MMP17: variants seen among roughly 807,000 people sequenced by gnomAD.
The protein encoded by MMP17 is matrix metallopeptidase 17.
A neutral mutation model predicts 49.1 loss-of-function variants in MMP17; 54 were observed. The ratio of observed to expected loss-of-function variants is 1.10; its 90% confidence interval spans 0.88 to 1.38. MMP17 has a LOEUF of 1.38. Among genes scored for constraint, MMP17 ranks in the 40% most tolerant of loss-of-function variants. MMP17 has a pLI of 0.00. For synonymous variants in MMP17, 397 were observed against 383.1 expected (o/e 1.04, Z -0.42); for missense variants, 837 against 853.7 (o/e 0.98, Z 0.24).
rs751785203 is a variant in MMP17, at chr12:131,851,002, C to T, written c.1540C>T (p.Gln514Ter). 7.6e-6 allele frequency: 12 copies of T among 1,578,774 alleles called. No individual in the cohort carries two copies. Among genetic ancestry groups the T allele is most frequent in the Non-Finnish European group, 1.0e-5 (12 of 1,163,728 alleles). The change falls in exon 10 of 10, where the codon CAG becomes TAG. Residue 514 changes from glutamine to a stop codon, truncating the protein, a stop_gained. Transcript: ENST00000360564. LOFTEE classifies it low-confidence loss of function (END_TRUNC). ...GCTGGAGGTGGCACCCGGGTACCCACAGTCCACGGCCCGGGACTGGCTGGT... is the reference window on the plus strand; with the variant it reads ...GCTGGAGGTGGCACCCGGGTACCCATAGTCCACGGCCCGGGACTGGCTGGT... ...GELEVAPGYP[Q>*]STARDWLVCG...
At chr12:131,834,838 AG>A (rs1172768565) in intron 1 of MMP17, among the ~76,000 whole-genome samples, 2 of 152,154 alleles carry the variant, frequency 1.3e-5, no homozygotes, top group Non-Finnish European at 2.9e-5. Flanking sequence ...GCCCCCTCCC[AG>A]ATGGACCTGA....
Position 131,828,462 on chromosome 12 carries a change from C to T in MMP17, c.-33C>T. On this transcript the variant is annotated 5_prime_UTR_variant, in exon 1 of 10. Coordinates refer to ENST00000360564, the MANE Select transcript of MMP17 (RefSeq NM_016155.7). ...GAACGCGAAGCGGAGGGCGCGGGAC[C>T]CTGCACGCCGCCCGCGGGCCCATGT... is the stretch of plus-strand genomic sequence containing the variant. The T allele has an allele frequency of 1.0e-6, 1 of 989,044 alleles. No homozygotes were observed. 61.3% of individuals were successfully genotyped at this position (989,044 alleles called of 1,614,324 possible).
At position 131,851,106 on chromosome 12, in the gene MMP17, A is replaced by T; in HGVS notation, c.1644A>T (p.Gln548His). 1 of 1,598,020 alleles carries T rather than the reference A, an allele frequency of 6.3e-7. No individual in the cohort carries two copies. The highest frequency in any genetic ancestry group is 1.3e-5 in the African/African-American group (1 of 74,396). ...AGGGGCCCCGCGCCCCTCCAGGACAACATGACCAGAGCCGCTCGGAGGACG... is the reference window on the plus strand; with the variant it reads ...AGGGGCCCCGCGCCCCTCCAGGACATCATGACCAGAGCCGCTCGGAGGACG... ...AAEGPRAPPG[Q>H]HDQSRSEDGY... The change falls in exon 10 of 10, where the codon CAA becomes CAT. Residue 548 changes from glutamine to histidine, a missense_variant. By Grantham distance (24) the Gln-to-His change is conservative (BLOSUM62 0). Coordinates refer to ENST00000360564, the MANE Select transcript of MMP17 (RefSeq NM_016155.7).
rs189025290 is a variant in MMP17, at chr12:131,835,572, G to T, written c.160-2623G>T. ...AATGGGCCACTCAGTGCAGCTACCA[G>T]CCATGACCTCAGCTTATAGACGGGA... On this transcript the variant is annotated intron_variant, in intron 1 of 9. Transcript: ENST00000360564. 3.7e-4 allele frequency among the ~76,000 whole-genome samples: 57 copies of T among 152,350 alleles called. No individual in the cohort carries two copies. In the Middle Eastern group the frequency reaches 0.01, roughly 27 times the overall value.
chr12:131,845,106 C>G lies in MMP17; in HGVS notation c.969-12C>G, dbSNP rs761247757. ...GCCCCGCCTCCCAGCCCACCTGGCT[C>G]TCTCCCTGCAGGCCCAGGAAGGACG... On this transcript the variant is annotated splice_polypyrimidine_tract_variant and intron_variant, in intron 6 of 9. Coordinates refer to ENST00000360564, the MANE Select transcript of MMP17 (RefSeq NM_016155.7). 1.3e-6 allele frequency: 2 copies of G among 1,599,298 alleles called. No homozygotes were observed. Among genetic ancestry groups the G allele is most frequent in the Non-Finnish European group, 1.7e-6 (2 of 1,175,944 alleles).
intron 3 of MMP17, chr12:131,840,022 G>C (rs950785641): frequency 6.6e-6 from 1 of 152,376 alleles, no homozygotes; most frequent in Non-Finnish European, 1.5e-5. Context: ...TCTTGAGCTC[G>C]AGCAATCTGC....
chr12:131,828,529 C>T lies in MMP17; in HGVS notation c.35C>T (p.Pro12Leu), dbSNP rs1347738898. The part of the protein sequence containing the change: ...RRRAARGPGP[P>L]PPGPGLSRLP... ...CGCGCAGCCCGGGGACCCGGCCCGCCGCCCCCAGGGCCCGGACTCTCGCGG... is the reference window on the plus strand; with the variant it reads ...CGCGCAGCCCGGGGACCCGGCCCGCTGCCCCCAGGGCCCGGACTCTCGCGG... Residue 12 changes from proline (P) to leucine (L), a missense_variant, in exon 1 of 10, where the codon CCG becomes CTG. By Grantham distance (98) the Pro-to-Leu change is moderately conservative. Coordinates refer to ENST00000360564, the MANE Select transcript of MMP17 (RefSeq NM_016155.7). 3 of 996,126 alleles carry T rather than the reference C, an allele frequency of 3.0e-6. No homozygotes were observed. The highest frequency in any genetic ancestry group is 3.6e-6 in the Non-Finnish European group (3 of 840,036). 61.7% of individuals were successfully genotyped at this position (996,126 alleles called of 1,614,324 possible). A position where few individuals can be genotyped will look rare whatever the true frequency, so the allele number is the denominator to read the frequency against.
chr12:131,830,094 G>C (rs1381189682), intron 1 of MMP17, among the ~76,000 whole-genome samples: 2 of 152,248 alleles, frequency 1.3e-5, no homozygotes, highest in African/African-American at 4.8e-5. Context: ...GCCGCAGAAG[G>C]GGCCGGGGCA....
In MMP17 at chr12:131,840,412, C is replaced by T. The variant is rs143778034; in HGVS notation, c.423-161C>T. On this transcript the variant is annotated intron_variant, in intron 3 of 9. Transcript: ENST00000360564. The stretch of plus-strand genomic sequence containing the variant: ...TATCCCAGTGAACTACTGGAACCGC[C>T]GTGAGTGCATCGGATGACTCCTGGC... The T allele has an allele frequency of 3.2e-4, 224 of 710,600 alleles. No homozygotes were observed. The African/African-American group carries it at 3.6e-3, about 11-fold the overall frequency. The allele number at this position is 710,600 out of a possible 1,614,324, so 44.0% of individuals were successfully genotyped here. A position where few individuals can be genotyped will look rare whatever the true frequency, so the allele number is the denominator to read the frequency against.
intron 5 of MMP17, 53 bp downstream of exon 5, chr12:131,841,853 C>A: frequency 6.7e-7 from 1 of 1,497,848 alleles, no homozygotes; most frequent in Non-Finnish European, 8.9e-7. Context: ...GGGTCAGAAA[C>A]CCCAGGCACC....
At chr12:131,845,636 G>A (rs1887669242) in intron 8 of MMP17, among the ~76,000 whole-genome samples, 187 bp downstream of exon 8, 1 of 152,208 alleles carries the variant, frequency 6.6e-6, no homozygotes, top group African/African-American at 2.4e-5. Context: ...CCCGTCCTGA[G>A]GCAGCCGCTG....
At chr12:131,836,173 G>A (rs1887074184) in intron 1 of MMP17, among the ~76,000 whole-genome samples, 1 of 152,186 alleles carries the variant, frequency 6.6e-6, no homozygotes, top group Non-Finnish European at 1.5e-5. Context: ...TGGGTCAGTA[G>A]GGTTTGGAAA....
At chr12:131,838,123 C>T in intron 1 of MMP17, 72 bp from the exon 2 acceptor site, 4 of 1,504,274 alleles carry the variant, frequency 2.7e-6, no homozygotes, top group Non-Finnish European at 3.6e-6. Flanking sequence ...GCAGTGGTGG[C>T]CCGTGGCAGG....
intron 3 of MMP17, among the ~76,000 whole-genome samples, 199 bp downstream of exon 3, chr12:131,838,940 C>T (rs1388184831): frequency 3.3e-5 from 5 of 151,920 alleles, no homozygotes; most frequent in Admixed American, 1.3e-4. Flanking sequence ...ACGGGGTCTC[C>T]GTGGAGGCGG....
Position 131,828,513 on chromosome 12 carries a change from C to A in MMP17, c.19C>A (p.Arg7=). The A allele has an allele frequency of 3.0e-6, 3 of 994,144 alleles. No individual in the cohort carries two copies. Among genetic ancestry groups the A allele is most frequent in the Non-Finnish European group, 3.6e-6 (3 of 837,002 alleles). The allele number at this position is 994,144 out of a possible 1,614,324, so 61.6% of individuals were successfully genotyped here. A position where few individuals can be genotyped will look rare whatever the true frequency, so the allele number is the denominator to read the frequency against. Residue 7 remains arginine, a synonymous_variant, in exon 1 of 10, where the codon CGG becomes AGG. Transcript: ENST00000360564. MRRRAA[R]GPGPPPPGPG... is the part of the protein sequence containing the mutation. ...GAGCGCCATGCGGCGCCGCGCAGCC[C>A]GGGGACCCGGCCCGCCGCCCCCAGG...
chr12:131,842,947 C>A (rs1454320791), intron 5 of MMP17, among the ~76,000 whole-genome samples: 1 of 152,006 alleles, frequency 6.6e-6, no homozygotes, highest in Non-Finnish European at 1.5e-5. Context: ...CAACCCCTGA[C>A]CTCCTTTCTT....
intron 1 of MMP17, among the ~76,000 whole-genome samples, chr12:131,834,275 C>T (rs1886964449): frequency 6.6e-6 from 1 of 152,080 alleles, no homozygotes; most frequent in Admixed American, 6.5e-5. Context: ...GCAGCCCCCT[C>T]CCGCCTCCTC....
At position 131,828,667 on chromosome 12, in the gene MMP17, C is replaced by T; in HGVS notation, c.159+14C>T. 2.6e-6 allele frequency: 1 copy of T among 385,232 alleles called. No homozygotes were observed. The highest frequency in any genetic ancestry group is 3.8e-6 in the Non-Finnish European group (1 of 263,436). The allele number at this position is 385,232 out of a possible 1,614,324, so 23.9% of individuals were successfully genotyped here. On this transcript the variant is annotated intron_variant, in intron 1 of 9. Coordinates refer to ENST00000360564, the MANE Select transcript of MMP17 (RefSeq NM_016155.7). ...AGCCTGGGAGTGGTGAGCGCGCGGG[C>T]GGGACGGGCGCGGAGCTCCTGGGCC...
chr12:131,835,270 A>G lies in MMP17; in HGVS notation c.160-2925A>G, dbSNP rs576917605. ...CTCAAATTCCAGTGCCTCTGGGGCC[A>G]CAGGCGACAGTGCCTGTTTATCATG... On this transcript the variant is annotated intron_variant, in intron 1 of 9. Transcript: ENST00000360564. 1.8e-4 allele frequency among the ~76,000 whole-genome samples: 27 copies of G among 152,334 alleles called. No homozygotes were observed. In the South Asian group the frequency reaches 5.6e-3, roughly 32 times the overall value.
Sources: allele counts gnomAD v4.1 joint callset (sites outside exome capture counted in the v4.1 genomes callset), GRCh38; gene constraint gnomAD v4.1.1; transcripts MANE v1.5; gene names NCBI Gene and HGNC (gene_info 2026-07-23, HGNC 2026-07-21).